Variants in LRFN5 observed in about 807,000 individuals in gnomAD.
LRFN5 encodes leucine rich repeat and fibronectin type III domain containing 5.
LRFN5 carries 24 observed loss-of-function variants against 45.6 expected under a neutral mutation model. That is an observed-to-expected ratio of 0.53 (90% CI 0.38 to 0.74). The LOEUF (loss-of-function observed/expected upper bound fraction) is 0.74. Ranked by LOEUF, LRFN5 falls within the 30% of genes least tolerant of loss-of-function variation. The pLI is 0.00. For missense variants in LRFN5, 776 were observed against 861.5 expected (o/e 0.90, Z 1.24); for synonymous variants, 340 against 313.8 (o/e 1.08, Z -0.88).
At chr14:41,795,545 G>A (rs1320191331) in intron 2 of LRFN5, among the ~76,000 whole-genome samples, 2 of 152,102 alleles carry the variant, frequency 1.3e-5, no homozygotes, top group Non-Finnish European at 2.9e-5. Context: ...AAAAATGATA[G>A]ACTGGATTAA....
At chr14:41,871,839 A>C (rs1890029704) in intron 2 of LRFN5, among the ~76,000 whole-genome samples, 1 of 152,138 alleles carries the variant, frequency 6.6e-6, no homozygotes, top group South Asian at 2.1e-4. Context: ...TCTAATTAAT[A>C]TTACTCTACC....
chr14:41,872,009 C>T (rs1202466002), intron 2 of LRFN5, among the ~76,000 whole-genome samples: 1 of 152,010 alleles, frequency 6.6e-6, no homozygotes, highest in African/African-American at 2.4e-5. Flanking sequence ...ATAAGAATTT[C>T]TTTAGCTGGT....
intron 1 of LRFN5, among the ~76,000 whole-genome samples, chr14:41,629,929 G>A (rs757705454): frequency 1.3e-5 from 2 of 151,926 alleles, no homozygotes; most frequent in Non-Finnish European, 2.9e-5. Context: ...TTATTTCGTT[G>A]TCACACACAT....
intron 2 of LRFN5, among the ~76,000 whole-genome samples, chr14:41,771,552 A>T (rs79241500): frequency 0.094 from 14,323 of 152,092 alleles, 1,285 homozygotes; most frequent in East Asian, 0.51. Flanking sequence ...TTTTTCTGCC[A>T]GATACCCTAA....
chr14:41,781,308 G>A (rs1037577659), intron 2 of LRFN5, among the ~76,000 whole-genome samples: 2 of 151,886 alleles, frequency 1.3e-5, no homozygotes, highest in South Asian at 2.1e-4. Flanking sequence ...GATTGCTTGA[G>A]GCCAGGAGTT....
rs1887670058 is a variant in LRFN5 at position 41,809,571 on chromosome 14, T to G, written c.-21+42542T>G. Among the ~76,000 whole-genome samples, 4 of 151,926 alleles carry G rather than the reference T, an allele frequency of 2.6e-5. No homozygotes were observed. In the South Asian group the frequency reaches 8.3e-4, roughly 32 times the overall value. On this transcript the variant is annotated intron_variant, in intron 2 of 5. Transcript: ENST00000298119. Reference sequence around the variant, plus strand: ...ATAAGTCAAGTAAGGATGTTAAGAGTGTTTATTAATTATTAACAATATTAC... The same window carrying G: ...ATAAGTCAAGTAAGGATGTTAAGAGGGTTTATTAATTATTAACAATATTAC...
At chr14:41,885,325 T>TAAAA (rs59238163) in intron 2 of LRFN5, among the ~76,000 whole-genome samples, 1 of 134,264 alleles carries the variant, frequency 7.4e-6, no homozygotes, top group African/African-American at 2.8e-5. Flanking sequence ...AAACTTTGTC[T>TAAAA]AAAAAAAAAA....
intron 2 of LRFN5, among the ~76,000 whole-genome samples, chr14:41,770,989 CTTCACGCTTGCAGATTTA>C (rs978294341): frequency 2.2e-4 from 34 of 151,978 alleles, no homozygotes; most frequent in African/African-American, 8.2e-4. Context: ...ACCAAGCCCC[CTTCACGCTTGCAGATTTA>C]ACACCATGTG....
chr14:41,721,090 ATAGT>A (rs1325590418), intron 1 of LRFN5, among the ~76,000 whole-genome samples: 1 of 152,160 alleles, frequency 6.6e-6, no homozygotes, highest in Non-Finnish European at 1.5e-5. Context: ...TATATTTAGA[ATAGT>A]TAAGTACTCT....
At chr14:41,627,003 G>A (rs1321779643) in intron 1 of LRFN5, among the ~76,000 whole-genome samples, 1 of 152,022 alleles carries the variant, frequency 6.6e-6, no homozygotes, top group Non-Finnish European at 1.5e-5. Context: ...TAGAACAGAA[G>A]AAATACTTAA....
chr14:41,852,506 A>T (rs1211948520), intron 2 of LRFN5, among the ~76,000 whole-genome samples: 3 of 151,952 alleles, frequency 2.0e-5, no homozygotes, highest in African/African-American at 7.2e-5. Context: ...TCTAAAGCTA[A>T]TTATGAAAGA....
chr14:41,791,881 A>G (rs1375926232), intron 2 of LRFN5, among the ~76,000 whole-genome samples: 1 of 152,098 alleles, frequency 6.6e-6, no homozygotes, highest in Non-Finnish European at 1.5e-5. Context: ...ATTACTGTGG[A>G]GTCTTTGAAT....
chr14:41,736,783 C>A (rs1389032647), intron 1 of LRFN5, among the ~76,000 whole-genome samples: 1 of 152,124 alleles, frequency 6.6e-6, no homozygotes, highest in Non-Finnish European at 1.5e-5. Context: ...CACATACACC[C>A]TTCCAAGATT....
intron 1 of LRFN5, among the ~76,000 whole-genome samples, chr14:41,762,916 G>A (rs895300842): frequency 2.6e-5 from 4 of 152,020 alleles, no homozygotes; most frequent in Admixed American, 2.6e-4. Context: ...AATAAAGGTA[G>A]AACAACTCAT....
chr14:41,690,528 C>T (rs1428536641), intron 1 of LRFN5, among the ~76,000 whole-genome samples: 3 of 152,022 alleles, frequency 2.0e-5, no homozygotes, highest in African/African-American at 7.3e-5. Flanking sequence ...GCACTCCAGC[C>T]TAGGTGACAA....
chr14:41,835,287 T>A (rs1888622352), intron 2 of LRFN5, among the ~76,000 whole-genome samples: 1 of 152,204 alleles, frequency 6.6e-6, no homozygotes, highest in Non-Finnish European at 1.5e-5. Context: ...TGCTTACTGC[T>A]GTATTTCACT....
chr14:41,610,817 A>G (rs923746945), intron 1 of LRFN5, among the ~76,000 whole-genome samples: 3 of 151,324 alleles, frequency 2.0e-5, no homozygotes, highest in Non-Finnish European at 4.4e-5. Context: ...TAATCCTCTT[A>G]TCACTCAGAA....
intron 2 of LRFN5, among the ~76,000 whole-genome samples, chr14:41,883,391 C>A (rs927316875): frequency 6.6e-6 from 1 of 152,016 alleles, no homozygotes; most frequent in Admixed American, 6.5e-5. Context: ...ACAGATGTAT[C>A]ATTTCTGTTG....
At chr14:41,896,456 TC>T (rs1890942357) in intron 4 of LRFN5, among the ~76,000 whole-genome samples, 1 of 152,164 alleles carries the variant, frequency 6.6e-6, no homozygotes, top group Non-Finnish European at 1.5e-5. Flanking sequence ...GGAAAGGACT[TC>T]TGCACAGAGG....
Sources: allele counts gnomAD v4.1 joint callset (sites outside exome capture counted in the v4.1 genomes callset), GRCh38; gene constraint gnomAD v4.1.1; transcripts MANE v1.5; gene names NCBI Gene and HGNC (gene_info 2026-07-23, HGNC 2026-07-21).